NYAP2: variants seen among roughly 807,000 people sequenced by gnomAD.
NYAP2 encodes the protein neuronal tyrosine-phosphorylated phosphoinositide-3-kinase adapter 2.
In NYAP2, 23 loss-of-function variants were observed where a neutral mutation model predicts 50.4. The observed-to-expected ratio is 0.46, with a 90% CI of 0.33 to 0.65. NYAP2 has a LOEUF of 0.65. Among genes scored for constraint, NYAP2 ranks in the 30% least tolerant of loss-of-function variants. NYAP2 has a pLI of 0.02. For synonymous variants in NYAP2, 394 were observed against 365.2 expected (o/e 1.08, Z -0.90); for missense variants, 885 against 861.0 (o/e 1.03, Z -0.35).
At chr2:225,687,030 A>G in the NYAP2 span, among the ~76,000 whole-genome samples, 3 of 152,158 alleles carry the variant, frequency 2.0e-5, no homozygotes, top group African/African-American at 7.2e-5. Flanking sequence ...TGTGTTTCTA[A>G]TAAGAACTAC....
chr2:225,588,315 C>T (rs1408466897), intron 5 of NYAP2, among the ~76,000 whole-genome samples: 1 of 151,326 alleles, frequency 6.6e-6, no homozygotes, highest in Non-Finnish European at 1.5e-5. Flanking sequence ...AATTAGAAAT[C>T]AGATATCATC....
intron 5 of NYAP2, among the ~76,000 whole-genome samples, chr2:225,623,742 C>T (rs1693163692): frequency 6.6e-6 from 1 of 152,164 alleles, no homozygotes; most frequent in African/African-American, 2.4e-5. Flanking sequence ...ATTCAACATG[C>T]TTGCTCTATT....
intron 4 of NYAP2, among the ~76,000 whole-genome samples, chr2:225,533,398 GA>G (rs552395458): frequency 3.3e-5 from 5 of 152,102 alleles, no homozygotes; most frequent in Non-Finnish European, 7.4e-5. Flanking sequence ...ATCTTTAAAA[GA>G]AAGCCAGCTG....
At chr2:225,452,651 T>C (rs1479318334) in intron 3 of NYAP2, among the ~76,000 whole-genome samples, 2 of 152,230 alleles carry the variant, frequency 1.3e-5, no homozygotes, top group African/African-American at 4.8e-5. Flanking sequence ...CATTCTAAAC[T>C]AAGCAACCCA....
chr2:225,441,947 C>T (rs1047433093), intron 3 of NYAP2, among the ~76,000 whole-genome samples: 4 of 152,172 alleles, frequency 2.6e-5, no homozygotes, highest in African/African-American at 4.8e-5. Context: ...AGTAAACAGT[C>T]GTCACTCCAT....
chr2:225,650,337 G>A (rs190322258), intron 6 of NYAP2, among the ~76,000 whole-genome samples: 35 of 152,318 alleles, frequency 2.3e-4, no homozygotes, highest in African/African-American at 8.2e-4. Flanking sequence ...TTCTTCCAAC[G>A]GAATTGGGCA....
chr2:225,401,572 AT>A (rs1325251680), intron 2 of NYAP2, among the ~76,000 whole-genome samples: 1 of 152,000 alleles, frequency 6.6e-6, no homozygotes, highest in African/African-American at 2.4e-5. Context: ...TTTGAGAAAC[AT>A]TTTTTAATAC....
chr2:225,582,442 C>T lies in NYAP2; in HGVS notation c.1025C>T (p.Ala342Val), dbSNP rs1692305753. Reference sequence around the variant, plus strand: ...CCCCCGCTGCTGGTATTTCCCCCCGCCCCCGTGCATTGCTCCCCCAACTCC... The same window carrying T: ...CCCCCGCTGCTGGTATTTCCCCCCGTCCCCGTGCATTGCTCCCCCAACTCC... The change falls in exon 5 of 7, where the codon GCC (alanine) becomes GTC (valine). Residue 342 changes from alanine (A) to valine (V), a missense_variant. Physicochemically the swap from Ala to Val is moderately conservative, Grantham distance 64. Transcript: ENST00000636099. The surrounding 1 kb of genome is among the most constrained non-coding windows in gnomAD (Gnocchi z 7.0). 3.6e-6 allele frequency: 5 copies of T among 1,389,750 alleles called. No homozygotes were observed. Among genetic ancestry groups the T allele is most frequent in the Non-Finnish European group, 4.8e-6 (5 of 1,033,494 alleles). 86.1% of individuals were successfully genotyped at this position (1,389,750 alleles called of 1,614,324 possible).
intron 3 of NYAP2, among the ~76,000 whole-genome samples, chr2:225,465,081 A>C (rs948620343): frequency 2.6e-5 from 4 of 152,206 alleles, no homozygotes; most frequent in Non-Finnish European, 5.9e-5. Context: ...ACCATTTTTA[A>C]GTATCTAAAA....
intron 5 of NYAP2, among the ~76,000 whole-genome samples, chr2:225,593,360 C>T (rs956220808): frequency 8.5e-5 from 13 of 152,152 alleles, no homozygotes; most frequent in African/African-American, 3.1e-4. Flanking sequence ...TTGTGTGGGG[C>T]TTCTGCAGAT....
intron 4 of NYAP2, among the ~76,000 whole-genome samples, chr2:225,545,588 T>TC (rs1216914550): frequency 1.3e-5 from 2 of 152,208 alleles, no homozygotes; most frequent in African/African-American, 2.4e-5. Flanking sequence ...CTGAATTTTT[T>TC]CTCTGTGTTA....
chr2:225,683,895 T>C, the NYAP2 span, among the ~76,000 whole-genome samples: 1 of 152,180 alleles, frequency 6.6e-6, no homozygotes, highest in Admixed American at 6.5e-5. Flanking sequence ...TGCCTTTTCA[T>C]ACTGACCTCA....
intron 5 of NYAP2, among the ~76,000 whole-genome samples, chr2:225,613,654 T>G (rs570036399): frequency 6.6e-6 from 1 of 152,356 alleles, no homozygotes; most frequent in South Asian, 2.1e-4. Context: ...GTGTTGATGC[T>G]GCTGCTGTTA....
intron 3 of NYAP2, among the ~76,000 whole-genome samples, chr2:225,433,090 CT>C (rs551308205): frequency 7.8e-4 from 119 of 152,140 alleles, no homozygotes; most frequent in African/African-American, 2.8e-3. Context: ...TTCGAAAATA[CT>C]TTTTTAAAAA....
At chr2:225,673,493 T>A in the NYAP2 span, among the ~76,000 whole-genome samples, 1 of 152,042 alleles carries the variant, frequency 6.6e-6, no homozygotes, top group African/African-American at 2.4e-5. Context: ...TGAAGCACAA[T>A]AAAGCAAAGC....
chr2:225,462,571 C>A (rs934185379), intron 3 of NYAP2, among the ~76,000 whole-genome samples: 2 of 152,186 alleles, frequency 1.3e-5, no homozygotes, highest in Non-Finnish European at 2.9e-5. Context: ...AAGACATCTT[C>A]TATTCATCTT....
At chr2:225,631,711 A>G (rs947072537) in intron 6 of NYAP2, among the ~76,000 whole-genome samples, 2 of 152,240 alleles carry the variant, frequency 1.3e-5, no homozygotes, top group African/African-American at 4.8e-5. Flanking sequence ...GAAGAGAAAG[A>G]ACCTAAATGG....
At chr2:225,525,673 A>G (rs1691137992) in intron 4 of NYAP2, among the ~76,000 whole-genome samples, 1 of 152,144 alleles carries the variant, frequency 6.6e-6, no homozygotes, top group African/African-American at 2.4e-5. Flanking sequence ...TAGTGGATAC[A>G]ATGTGCACTA....
At chr2:225,607,224 T>C (rs1254592099) in intron 5 of NYAP2, among the ~76,000 whole-genome samples, 3 of 152,070 alleles carry the variant, frequency 2.0e-5, no homozygotes, top group African/African-American at 7.2e-5. Context: ...CCTAAATCTC[T>C]TATTTGAGCG....
Sources: allele counts gnomAD v4.1 joint callset (sites outside exome capture counted in the v4.1 genomes callset), GRCh38; gene constraint gnomAD v4.1.1; non-coding constraint Gnocchi (gnomAD v3.1); transcripts MANE v1.5; gene names NCBI Gene and HGNC (gene_info 2026-07-23, HGNC 2026-07-21).